The following RHD variants were observed in gnomAD, a reference collection of about 807,000 sequenced individuals.
The protein encoded by RHD is Rh blood group D antigen.
Under a neutral mutation model 45.5 loss-of-function variants are expected in RHD, and 16 were observed. That is an observed-to-expected ratio of 0.35 (90% CI 0.24 to 0.53). The LOEUF (loss-of-function observed/expected upper bound fraction) is 0.53, where lower values mean the gene tolerates loss of function less well. Ranked by LOEUF, RHD falls within the 20% of genes least tolerant of loss-of-function variation. The pLI is 0.92. For synonymous variants in RHD, 131 were observed against 217.5 expected (o/e 0.60, Z 3.50); for missense variants, 306 against 532.0 (o/e 0.58, Z 4.18).
At chr1:25,289,823 AT>A (rs71014347) in intron 2 of RHD, among the ~76,000 whole-genome samples, 2,944 of 115,748 alleles carry the variant, frequency 0.025, 446 homozygotes, top group African/African-American at 0.077. Flanking sequence ...TCATAAGTAC[AT>A]TTTTTTTTTT....
chr1:25,287,476 C>CCTT (rs1642133241), intron 2 of RHD, among the ~76,000 whole-genome samples: 1 of 135,094 alleles, frequency 7.4e-6, no homozygotes, highest in African/African-American at 2.6e-5. Context: ...CTGACCGGTT[C>CCTT]CCGTCAGGGC....
At chr1:25,314,180 TTTGCGCCAATCTAATCACCAG>T (rs1644307951) in intron 7 of RHD, among the ~76,000 whole-genome samples, 1 of 133,032 alleles carries the variant, frequency 7.5e-6, no homozygotes, top group African/African-American at 2.6e-5. Context: ...TCTCTAGTAG[TTTGCGCCAATCTAATCACCAG>T]TAGTGTATAG....
chr1:25,284,943 A>G (rs1221332563), intron 2 of RHD, among the ~76,000 whole-genome samples, 184 bp downstream of exon 2: 1 of 135,024 alleles, frequency 7.4e-6, no homozygotes, highest in East Asian at 1.9e-4. Flanking sequence ...GGCATCCTGT[A>G]TTTTACTGGA....
chr1:25,319,300 A>G (rs1399620029), intron 8 of RHD, among the ~76,000 whole-genome samples: 2 of 132,442 alleles, frequency 1.5e-5, no homozygotes, highest in African/African-American at 2.6e-5. Flanking sequence ...TCTTCTTTAC[A>G]TGTTGTTTTT....
chr1:25,282,991 GA>G (rs966168078), intron 1 of RHD, among the ~76,000 whole-genome samples: 2 of 131,744 alleles, frequency 1.5e-5, no homozygotes, highest in East Asian at 2.0e-4. Context: ...ATTAATGACG[GA>G]AAAAAAATTC....
intron 9 of RHD, 134 bp downstream of exon 9, chr1:25,322,096 C>G (rs1480699749): frequency 2.0e-6 from 1 of 504,722 alleles, no homozygotes; most frequent in East Asian, 2.9e-5. Context: ...GCAGGAGGAA[C>G]TAGAGGAGAA....
chr1:25,311,908 G>A (rs373294367), intron 7 of RHD, among the ~76,000 whole-genome samples: 1 of 131,416 alleles, frequency 7.6e-6, no homozygotes, highest in East Asian at 2.0e-4. Flanking sequence ...AAAGGGTGCT[G>A]TGAACAGCCA....
Position 25,293,228 on chromosome 1 carries a change from TAGAG to T in RHD, c.486+2440_486+2443del, listed in dbSNP as rs1373557211. Among the ~76,000 whole-genome samples the T allele has an allele frequency of 4.6e-5, 6 of 129,258 alleles. 1 individual carries two copies. Among genetic ancestry groups the T allele is most frequent in the African/African-American group, 1.6e-4 (6 of 37,480 alleles). 84.8% of individuals were successfully genotyped at this position (129,258 alleles called of 152,430 possible). On this transcript the variant is annotated intron_variant, in intron 3 of 9. Transcript: ENST00000328664. ...GAGAAGCAGGAGGGCAATAATCCGA[TAGAG>T]AGGAAAAATCTGATGATACAGAAGA... is the stretch of plus-strand genomic sequence containing the variant.
chr1:25,287,853 A>C (rs1287493463), intron 2 of RHD, among the ~76,000 whole-genome samples: 2 of 93,954 alleles, frequency 2.1e-5, no homozygotes, highest in Non-Finnish European at 5.8e-5. Context: ...TCCTGAGTTA[A>C]ATTTTTTTAC....
chr1:25,295,850 ATT>A (rs61131306), intron 3 of RHD, among the ~76,000 whole-genome samples: 2 of 81,318 alleles, frequency 2.5e-5, no homozygotes, highest in African/African-American at 8.6e-5. Flanking sequence ...AATATGGGAA[ATT>A]TTTTTTTTTT....
At chr1:25,284,957 C>G (rs1641837955) in intron 2 of RHD, among the ~76,000 whole-genome samples, 198 bp downstream of exon 2, 1 of 134,970 alleles carries the variant, frequency 7.4e-6, no homozygotes, top group South Asian at 2.2e-4. Flanking sequence ...TACTGGACAG[C>G]CCTACTCCGT....
rs1162056742 is a variant in RHD, at chr1:25,280,368, C to T, written c.149-4205C>T. 7.3e-5 allele frequency among the ~76,000 whole-genome samples: 9 copies of T among 122,532 alleles called. 2 individuals carry two copies. The highest frequency in any genetic ancestry group is 1.4e-4 in the African/African-American group (5 of 35,576). The allele number at this position is 122,532 out of a possible 152,430, so 80.4% of individuals were successfully genotyped here. On this transcript the variant is annotated intron_variant, in intron 1 of 9. Coordinates refer to ENST00000328664, the MANE Select transcript of RHD (RefSeq NM_016124.6). The stretch of plus-strand genomic sequence containing the variant: ...TCATCCAGGCTGGAGTACAGTGGTG[C>T]GATCTCGGCTCACTGCAACCTCAGC...
In RHD at chr1:25,294,052, C is replaced by G. The variant is rs1642733669; in HGVS notation, c.486+3261C>G. On this transcript the variant is annotated intron_variant, in intron 3 of 9. Coordinates refer to ENST00000328664, the MANE Select transcript of RHD (RefSeq NM_016124.6). ...TAATCTTGTGATTAAGAGAAGAAGG[C>G]TGTCCACCAATGGGCTTATCTGTTA... 15 of 645,816 alleles carry G rather than the reference C, an allele frequency of 2.3e-5. 5 individuals are homozygous for G. The highest frequency in any genetic ancestry group is 3.8e-5 in the Non-Finnish European group (13 of 342,424). The allele number at this position is 645,816 out of a possible 1,614,324, so 40.0% of individuals were successfully genotyped here.
chr1:25,309,028 T>C (rs934738312), intron 7 of RHD, among the ~76,000 whole-genome samples: 1 of 132,232 alleles, frequency 7.6e-6, no homozygotes, highest in African/African-American at 2.6e-5. Flanking sequence ...CTCTATGTAA[T>C]GGAAAGATGG....
intron 5 of RHD, 150 bp downstream of exon 5, chr1:25,301,836 A>G (rs1643414976): frequency 8.6e-6 from 6 of 694,952 alleles, no homozygotes; most frequent in Admixed American, 2.1e-5. Context: ...AGCTCTAGGT[A>G]GAATGCTGGG....
intron 3 of RHD, among the ~76,000 whole-genome samples, chr1:25,292,576 G>T (rs954584308): frequency 1.5e-5 from 2 of 130,700 alleles, no homozygotes; most frequent in Non-Finnish European, 3.6e-5. Flanking sequence ...GATGGGGAAT[G>T]TTGGGGTGGG....
At chr1:25,317,829 T>G (rs1365240804) in intron 8 of RHD, among the ~76,000 whole-genome samples, 8 of 83,900 alleles carry the variant, frequency 9.5e-5, no homozygotes, top group African/African-American at 2.8e-4. Flanking sequence ...AGGAGACCAG[T>G]GTGGTTGGTG....
chr1:25,309,818 C>T (rs543041004), intron 7 of RHD, among the ~76,000 whole-genome samples: 1 of 132,712 alleles, frequency 7.5e-6, no homozygotes, highest in South Asian at 2.3e-4. Flanking sequence ...ATGTGTTGAG[C>T]TGAGGGTCTC....
chr1:25,288,371 A>G (rs1642226498), intron 2 of RHD, among the ~76,000 whole-genome samples: 1 of 121,978 alleles, frequency 8.2e-6, no homozygotes, highest in Non-Finnish European at 1.9e-5. Flanking sequence ...GTAGAGATGG[A>G]GTCTCACTAT....
Sources: allele counts gnomAD v4.1 joint callset (sites outside exome capture counted in the v4.1 genomes callset), GRCh38; gene constraint gnomAD v4.1.1; transcripts MANE v1.5; gene names NCBI Gene and HGNC (gene_info 2026-07-23, HGNC 2026-07-21).